Variants in AKAP6 observed in about 807,000 individuals in gnomAD.
AKAP6 encodes A-kinase anchoring protein 6, also known as A-kinase anchor protein 6.
In AKAP6, 58 loss-of-function variants were observed where a neutral mutation model predicts 188.5. The observed-to-expected ratio is 0.31, with a 90% confidence interval of 0.25 to 0.38. The LOEUF (loss-of-function observed/expected upper bound fraction) is 0.38, where lower values mean the gene tolerates loss of function less well. Among genes scored for constraint, AKAP6 ranks in the 10% least tolerant of loss-of-function variants. The pLI is 1.00. For synonymous variants in AKAP6, 989 were observed against 998.6 expected, an observed-to-expected ratio of 0.99 and a Z score of 0.18; for missense variants, 2,710 against 2,740.0, an observed-to-expected ratio of 0.99 and a Z score of 0.24.
chr14:32,678,488 T>C (rs1594839052), intron 8 of AKAP6, 29 bp downstream of exon 8: 1 of 1,611,042 alleles, frequency 6.2e-7, no homozygotes, highest in Non-Finnish European at 8.5e-7. Flanking sequence ...TGTTGTTTTA[T>C]TCTCACTAAT....
intron 2 of AKAP6, among the ~76,000 whole-genome samples, chr14:32,510,127 G>C (rs1379281835): frequency 6.6e-6 from 1 of 151,808 alleles, no homozygotes; most frequent in Non-Finnish European, 1.5e-5. Context: ...CCAGATTCCA[G>C]GGCTCTTACA....
chr14:32,827,297 TG>T (rs2034698112), intron 13 of AKAP6, among the ~76,000 whole-genome samples: 1 of 151,466 alleles, frequency 6.6e-6, no homozygotes, highest in Non-Finnish European at 1.5e-5. Context: ...AAACCATCAG[TG>T]GTGATGCTCT....
intron 7 of AKAP6, among the ~76,000 whole-genome samples, chr14:32,666,807 A>G (rs550664670): frequency 2.6e-5 from 4 of 152,204 alleles, no homozygotes; most frequent in Non-Finnish European, 5.9e-5. Context: ...TTTAAAAATC[A>G]CTATGGAATT....
intron 3 of AKAP6, among the ~76,000 whole-genome samples, chr14:32,536,592 G>A (rs1882689391): frequency 6.6e-6 from 1 of 152,144 alleles, no homozygotes; most frequent in Non-Finnish European, 1.5e-5. Context: ...CATGATTCAT[G>A]TTTTAGAAGA....
At chr14:32,592,023 AC>A (rs1885508650) in intron 5 of AKAP6, among the ~76,000 whole-genome samples, 1 of 152,214 alleles carries the variant, frequency 6.6e-6, no homozygotes, top group Non-Finnish European at 1.5e-5. Flanking sequence ...AAGGAACATG[AC>A]AGCTCATTTA....
intron 12 of AKAP6, among the ~76,000 whole-genome samples, chr14:32,791,372 T>C (rs1367309995): frequency 3.3e-5 from 5 of 152,246 alleles, no homozygotes; most frequent in Admixed American, 3.3e-4. Flanking sequence ...TGGCCAATCA[T>C]GATGAGCTTT....
At position 32,769,037 on chromosome 14, in the gene AKAP6, A is replaced by ATTTTTTTTTTTTTTTTTTTTTTTTTT. The variant is rs544997334; in HGVS notation, c.3373-4639_3373-4614dup. On this transcript the variant is annotated intron_variant, in intron 11 of 13. Coordinates refer to ENST00000280979, the MANE Select transcript of AKAP6 (RefSeq NM_004274.5). ...ACTAGGGGATGCAGCTGCTCTTTTGATTTTTTTTTTTTTTTTTTTTTTTTT... is the reference window on the plus strand; with the variant it reads ...ACTAGGGGATGCAGCTGCTCTTTTGATTTTTTTTTTTTTTTTTTTTTTTTTTTTTTTTTTTTTTTTTTTTTTTTTTT... 3.0e-4 allele frequency among the ~76,000 whole-genome samples: 17 copies of ATTTTTTTTTTTTTTTTTTTTTTTTTT among 56,922 alleles called. 7 individuals carry two copies. The highest frequency in any genetic ancestry group is 5.7e-4 in the African/African-American group (8 of 14,052). The allele number at this position is 56,922 out of a possible 152,430, so 37.3% of individuals were successfully genotyped here.
intron 1 of AKAP6, among the ~76,000 whole-genome samples, chr14:32,388,830 G>C (rs1888615718): frequency 6.6e-6 from 1 of 152,102 alleles, no homozygotes; most frequent in Admixed American, 6.6e-5. Context: ...ATATTCTGCG[G>C]TTGTTGGATG....
intron 4 of AKAP6, among the ~76,000 whole-genome samples, chr14:32,556,275 C>A (rs775263570): frequency 2.6e-5 from 4 of 152,114 alleles, no homozygotes; most frequent in Non-Finnish European, 5.9e-5. Flanking sequence ...ATGTCACATC[C>A]ATTACCCATA....
At chr14:32,672,398 G>A (rs1889243380) in intron 7 of AKAP6, among the ~76,000 whole-genome samples, 1 of 152,158 alleles carries the variant, frequency 6.6e-6, no homozygotes. Context: ...CACAGTTCTG[G>A]AGGCTGGAAG....
chr14:32,670,107 A>AG (rs71115089), intron 7 of AKAP6, among the ~76,000 whole-genome samples: 7 of 80,386 alleles, frequency 8.7e-5, no homozygotes, highest in Admixed American at 2.4e-4. Context: ...AAAAAAAAAA[A>AG]AAAAAAGCCC....
Position 32,833,884 on chromosome 14 carries a change from A to G in AKAP6, c.*4079A>G, listed in dbSNP as rs185914448. On this transcript the variant is annotated 3_prime_UTR_variant, in exon 14 of 14. Transcript: ENST00000280979. ...GACCTATGTAAAAGTTGAGAGTAGA[A>G]CAAAGATACTTGGTACTCATCCCTC... 1 of 152,338 alleles carries G rather than the reference A, an allele frequency of 6.6e-6. No individual in the cohort carries two copies. Among genetic ancestry groups the G allele is most frequent in the Admixed American group, 6.5e-5 (1 of 15,306 alleles). The allele number at this position is 152,338 out of a possible 1,614,324, so 9.4% of individuals were successfully genotyped here.
chr14:32,731,847 G>A (rs2031190835), intron 9 of AKAP6, among the ~76,000 whole-genome samples: 1 of 152,010 alleles, frequency 6.6e-6, no homozygotes, highest in South Asian at 2.1e-4. Context: ...CTGGGGGAGA[G>A]GGTTCTGTAG....
intron 2 of AKAP6, among the ~76,000 whole-genome samples, chr14:32,466,553 C>T (rs1304714858): frequency 1.3e-5 from 2 of 151,792 alleles, no homozygotes; most frequent in East Asian, 1.9e-4. Flanking sequence ...GGGAGGGAAA[C>T]GTCACACACC....
intron 12 of AKAP6, among the ~76,000 whole-genome samples, chr14:32,810,352 G>C (rs569990275): frequency 6.6e-6 from 1 of 151,722 alleles, no homozygotes; most frequent in Non-Finnish European, 1.5e-5. Flanking sequence ...TTTGATTTGG[G>C]TTACAGTTTG....
In AKAP6 at chr14:32,398,844, G is replaced by GT. The variant is rs773955888; in HGVS notation, c.-34-34589dup. Among the ~76,000 whole-genome samples the GT allele has an allele frequency of 5.7e-3, 348 of 60,970 alleles. 15 individuals carry two copies. The highest frequency in any genetic ancestry group is 0.019 in the African/African-American group (299 of 15,586). 40.0% of individuals were successfully genotyped at this position (60,970 alleles called of 152,430 possible). A position where few individuals can be genotyped will look rare whatever the true frequency, so the allele number is the denominator to read the frequency against. ...TCCCTCTCTCTCTCTCTTTCTTCCT[G>GT]TTTTTTTTTTTTTTTTTTTTTTTTT... is the stretch of plus-strand genomic sequence containing the variant. On this transcript the variant is annotated intron_variant, in intron 1 of 13. Transcript: ENST00000280979.
At chr14:32,477,302 A>C (rs1351267888) in intron 2 of AKAP6, among the ~76,000 whole-genome samples, 1 of 152,124 alleles carries the variant, frequency 6.6e-6, no homozygotes, top group Non-Finnish European at 1.5e-5. Flanking sequence ...CTTGCTTACC[A>C]AGTTGCTCAT....
At chr14:32,473,550 G>T (rs1878892024) in intron 2 of AKAP6, among the ~76,000 whole-genome samples, 2 of 152,334 alleles carry the variant, frequency 1.3e-5, no homozygotes, top group African/African-American at 4.8e-5. Context: ...AGGAAGAAGA[G>T]CTTGAAATGC....
intron 2 of AKAP6, among the ~76,000 whole-genome samples, chr14:32,473,000 T>C (rs1878865910): frequency 6.6e-6 from 1 of 152,202 alleles, no homozygotes; most frequent in Admixed American, 6.5e-5. Context: ...ATTCTTTCTC[T>C]CTCAGAATGA....
Sources: gnomAD v4.1 joint callset for allele counts (sites outside exome capture counted in the v4.1 genomes callset) on GRCh38, gnomAD v4.1.1 for gene constraint, MANE v1.5 for transcripts, NCBI Gene and HGNC (gene_info 2026-07-23, HGNC 2026-07-21) for gene names.